Variants in MBD2 observed in about 807,000 individuals in gnomAD.
MBD2 encodes the protein methyl-CpG binding domain protein 2, also known as methyl-CpG-binding domain protein 2.
A neutral mutation model predicts 39.3 loss-of-function variants in MBD2; 9 were observed. The ratio of observed to expected loss-of-function variants is 0.23; its 90% CI spans 0.14 to 0.40. MBD2 has a LOEUF of 0.40. Among genes scored for constraint, MBD2 ranks in the 10% least tolerant of loss-of-function variants. MBD2 has a pLI of 1.00. For synonymous variants in MBD2, 233 were observed against 211.1 expected, an observed-to-expected ratio of 1.10 and a Z score of -0.90; for missense variants, 458 against 532.6, an observed-to-expected ratio of 0.86 and a Z score of 1.38.
At chr18:54,189,858 A>G (rs1160708065) in intron 2 of MBD2, among the ~76,000 whole-genome samples, 1 of 151,762 alleles carries the variant, frequency 6.6e-6, no homozygotes, top group Non-Finnish European at 1.5e-5. Context: ...CTACATTACC[A>G]GGCTGGTCTC....
At chr18:54,215,030 G>A (rs1041476486) in intron 1 of MBD2, among the ~76,000 whole-genome samples, 29 of 152,100 alleles carry the variant, frequency 1.9e-4, no homozygotes, top group Non-Finnish European at 3.4e-4. Flanking sequence ...GTGAGCCACC[G>A]CGCCCGGCCT....
intron 2 of MBD2, among the ~76,000 whole-genome samples, chr18:54,201,584 C>T (rs931522570): frequency 1.4e-4 from 22 of 152,094 alleles, no homozygotes; most frequent in Non-Finnish European, 7.4e-5. Context: ...TCTTTCTGGC[C>T]GGGCACGGTG....
chr18:54,174,548 A>G (rs899823474), intron 3 of MBD2, among the ~76,000 whole-genome samples: 3 of 152,206 alleles, frequency 2.0e-5, no homozygotes, highest in African/African-American at 7.2e-5. Context: ...GAATCCAGTC[A>G]TTCTGGAAAG....
At position 54,167,812 on chromosome 18, in the gene MBD2, C is replaced by T. The variant is rs550119511; in HGVS notation, c.841-1646G>A. The stretch of plus-strand genomic sequence containing the variant: ...AATATGAGGATATAAATATATTAAT[C>T]ATCATGGATGAAAAGTAGTAAGGTG... On this transcript the variant is annotated intron_variant, in intron 3 of 6. Transcript: ENST00000256429. Among the ~76,000 whole-genome samples the T allele has an allele frequency of 3.3e-5, 5 of 152,138 alleles. No individual in the cohort carries two copies. In the South Asian group the frequency reaches 1.0e-3, roughly 32 times the overall value.
Position 54,153,852 on chromosome 18 carries a change from T to C in MBD2, c.*1472A>G, listed in dbSNP as rs570946322. On this transcript the variant is annotated 3_prime_UTR_variant, in exon 7 of 7. Coordinates refer to ENST00000256429, the MANE Select transcript of MBD2 (RefSeq NM_003927.5). ...AGGGTCCAGGGATCAAAGTTGAGCG[T>C]AAATCAGGAATTCCAAGAAGTATTT... 6 of 152,290 alleles carry C rather than the reference T, an allele frequency of 3.9e-5. No individual in the cohort carries two copies. The South Asian group carries it at 6.2e-4, about 16-fold the overall frequency. The allele number at this position is 152,290 out of a possible 1,614,324, so 9.4% of individuals were successfully genotyped here.
intron 1 of MBD2, among the ~76,000 whole-genome samples, chr18:54,223,178 T>G (rs956252684): frequency 1.3e-5 from 2 of 152,246 alleles, no homozygotes; most frequent in Admixed American, 6.5e-5. Context: ...TTGAGCTTAC[T>G]GGGTCACACA....
At chr18:54,176,468 T>G (rs1200898266) in intron 3 of MBD2, among the ~76,000 whole-genome samples, 6 of 152,254 alleles carry the variant, frequency 3.9e-5, no homozygotes, top group African/African-American at 1.4e-4. Flanking sequence ...AGACAGTTAC[T>G]AAATCTAATC....
chr18:54,202,488 C>G (rs1227986964), intron 2 of MBD2, among the ~76,000 whole-genome samples: 3 of 152,150 alleles, frequency 2.0e-5, no homozygotes, highest in Non-Finnish European at 2.9e-5. Context: ...TAACTAGCCA[C>G]AAATATATTT....
intron 2 of MBD2, among the ~76,000 whole-genome samples, chr18:54,198,679 TC>T (rs2086383887): frequency 6.6e-6 from 1 of 152,100 alleles, no homozygotes; most frequent in African/African-American, 2.4e-5. Flanking sequence ...CCACTGCACT[TC>T]CCCCTGGGTG....
intron 1 of MBD2, among the ~76,000 whole-genome samples, chr18:54,211,163 G>A (rs556356665): frequency 3.3e-5 from 5 of 152,040 alleles, no homozygotes; most frequent in African/African-American, 1.2e-4. Context: ...GAGCCACCGC[G>A]CCCGGCCAAC....
intron 3 of MBD2, among the ~76,000 whole-genome samples, chr18:54,180,897 C>CCTTTTTTTTTTTTTTTTTTTTT (rs2086246150): frequency 1.9e-5 from 2 of 105,372 alleles, no homozygotes; most frequent in African/African-American, 7.8e-5. Context: ...TTAATTTTTT[C>CCTTTTTTTTTTTTTTTTTTTTT]TTTTTCTTTT....
At chr18:54,176,359 T>C (rs535657959) in intron 3 of MBD2, among the ~76,000 whole-genome samples, 1 of 152,396 alleles carries the variant, frequency 6.6e-6, no homozygotes, top group South Asian at 2.1e-4. Context: ...TAATAAAATA[T>C]GAGAAAGTTC....
At chr18:54,182,188 A>T (rs2086256273) in intron 3 of MBD2, among the ~76,000 whole-genome samples, 1 of 152,262 alleles carries the variant, frequency 6.6e-6, no homozygotes, top group Admixed American at 6.5e-5. Flanking sequence ...TAATTCACTA[A>T]TTCAACTAAT....
chr18:54,158,051 G>A (rs2086066562), intron 6 of MBD2, among the ~76,000 whole-genome samples: 1 of 152,032 alleles, frequency 6.6e-6, no homozygotes, highest in Non-Finnish European at 1.5e-5. Context: ...GCAGCCATAG[G>A]GCTCTTGTAA....
intron 1 of MBD2, among the ~76,000 whole-genome samples, chr18:54,210,710 T>C (rs1568092870): frequency 6.6e-6 from 1 of 152,094 alleles, no homozygotes; most frequent in African/African-American, 2.4e-5. Context: ...AGATGGCAGA[T>C]GGCTAGCTAG....
chr18:54,185,304 A>G (rs2086278242), intron 3 of MBD2, among the ~76,000 whole-genome samples: 1 of 152,184 alleles, frequency 6.6e-6, no homozygotes, highest in African/African-American at 2.4e-5. Context: ...GAAGATTCAA[A>G]TCTGCTTCTT....
chr18:54,221,888 T>G (rs2086616450), intron 1 of MBD2, among the ~76,000 whole-genome samples: 1 of 152,220 alleles, frequency 6.6e-6, no homozygotes, highest in South Asian at 2.1e-4. Context: ...CTTTTCCAAC[T>G]ACAAGGAAAA....
At chr18:54,209,169 G>C (rs7229672) in intron 1 of MBD2, among the ~76,000 whole-genome samples, 1 of 151,414 alleles carries the variant, frequency 6.6e-6, no homozygotes, top group Non-Finnish European at 1.5e-5. Flanking sequence ...GGCGGCGTGC[G>C]CCCGTAATCC....
chr18:54,170,783 A>G lies in MBD2; in HGVS notation c.841-4617T>C, dbSNP rs149836010. ...ATCCAAAACTAACTTCAATTTGGGA[A>G]GACCTGGAAAGGCTTCTAGGAAGAG... On this transcript the variant is annotated intron_variant, in intron 3 of 6. Coordinates refer to ENST00000256429, the MANE Select transcript of MBD2 (RefSeq NM_003927.5). Among the ~76,000 whole-genome samples the G allele has an allele frequency of 6.9e-3, 1,044 of 152,310 alleles. 6 individuals are homozygous for G. The highest frequency in any genetic ancestry group is 0.011 in the Non-Finnish European group (723 of 68,024).
Sources: allele counts gnomAD v4.1 joint callset (sites outside exome capture counted in the v4.1 genomes callset), GRCh38; gene constraint gnomAD v4.1.1; transcripts MANE v1.5; gene names NCBI Gene and HGNC (gene_info 2026-07-23, HGNC 2026-07-21).